The following VAPA variants were observed in gnomAD, a reference collection of about 807,000 sequenced individuals.
The protein encoded by VAPA is VAMP associated protein A.
In VAPA, 6 loss-of-function variants were observed where a neutral mutation model predicts 25.6. The ratio of observed to expected loss-of-function variants is 0.23; its 90% CI spans 0.13 to 0.46. The LOEUF is 0.46. Among genes scored for constraint, VAPA ranks in the 20% least tolerant of loss-of-function variants. The probability of loss-of-function intolerance (pLI) is 0.99; values close to 1 mark genes in which losing one functional copy is unlikely to be tolerated. For missense variants in VAPA, 244 were observed against 302.1 expected (o/e 0.81, Z 1.43); for synonymous variants, 112 against 106.2 (o/e 1.05, Z -0.34).
rs972128587 is a variant in VAPA, at chr18:9,954,117, C to T, written c.656C>T (p.Ser219Phe). 10 of 1,613,996 alleles carry T rather than the reference C, an allele frequency of 6.2e-6. No individual in the cohort carries two copies. Among genetic ancestry groups the T allele is most frequent in the Non-Finnish European group, 8.5e-6 (10 of 1,179,978 alleles). Residue 219 changes from serine (S) to phenylalanine (F), a missense_variant, in exon 6 of 6, where the codon TCC (serine) becomes TTC (phenylalanine). This residue lies in a region of VAPA where 145 missense variants were observed against 140.6 expected (regional missense o/e 1.03). Coordinates refer to ENST00000400000, the MANE Select transcript of VAPA (RefSeq NM_194434.3). The stretch of plus-strand genomic sequence containing the variant: ...AAACCTGGATCAACCTCAACTGCAT[C>T]CTTCAGAGATAATGTCACCAGTCCT... ...SDKPGSTSTA[S>F]FRDNVTSPLP... is the part of the protein sequence containing the mutation.
intron 4 of VAPA, among the ~76,000 whole-genome samples, chr18:9,938,647 T>G (rs2069335651): frequency 6.6e-6 from 1 of 152,216 alleles, no homozygotes; most frequent in Non-Finnish European, 1.5e-5. Flanking sequence ...AGCTGTTAAG[T>G]AACTTCAAAG....
In VAPA at chr18:9,949,128, A is replaced by T. The variant is rs544577418; in HGVS notation, c.418-1267A>T. On this transcript the variant is annotated intron_variant, in intron 4 of 5. Transcript: ENST00000400000. ...GTATTGGCAGGGTAAAATATATCTGAAACAGTTTTTTAATAATAGGGGCGG... is the reference window on the plus strand; with the variant it reads ...GTATTGGCAGGGTAAAATATATCTGTAACAGTTTTTTAATAATAGGGGCGG... 5 of 152,312 alleles carry T rather than the reference A, an allele frequency of 3.3e-5. No individual in the cohort carries two copies. In the South Asian group the frequency reaches 1.0e-3, roughly 32 times the overall value. 9.4% of individuals were successfully genotyped at this position (152,312 alleles called of 1,614,324 possible). A position where few individuals can be genotyped will look rare whatever the true frequency, so the allele number is the denominator to read the frequency against.
Position 9,952,432 on chromosome 18 carries a change from T to C in VAPA, c.592-1621T>C, listed in dbSNP as rs1375366427. Among the ~76,000 whole-genome samples the C allele has an allele frequency of 5.9e-5, 9 of 151,906 alleles. No individual in the cohort carries two copies. In the South Asian group the frequency reaches 1.7e-3, roughly 28 times the overall value. Reference sequence around the variant, plus strand: ...AAATACAAAAATTATCCGGGTGTGGTGGTGGGTGCCTGTAATCCCAGCTAC... The same window carrying C: ...AAATACAAAAATTATCCGGGTGTGGCGGTGGGTGCCTGTAATCCCAGCTAC... On this transcript the variant is annotated intron_variant, in intron 5 of 5. Coordinates refer to ENST00000400000, the MANE Select transcript of VAPA (RefSeq NM_194434.3).
At chr18:9,921,614 T>C (rs1004995162) in intron 1 of VAPA, among the ~76,000 whole-genome samples, 1 of 152,214 alleles carries the variant, frequency 6.6e-6, no homozygotes, top group Non-Finnish European at 1.5e-5. Context: ...CTCAACATAG[T>C]TTCTTTTTAT....
At chr18:9,933,997 C>T (rs2069283001) in intron 2 of VAPA, among the ~76,000 whole-genome samples, 1 of 152,182 alleles carries the variant, frequency 6.6e-6, no homozygotes, top group Admixed American at 6.5e-5. Flanking sequence ...AACAACGTAT[C>T]AAAACACTTT....
At chr18:9,942,707 C>T (rs2069378264) in intron 4 of VAPA, among the ~76,000 whole-genome samples, 2 of 152,178 alleles carry the variant, frequency 1.3e-5, no homozygotes, top group South Asian at 2.1e-4. Flanking sequence ...AGATGCCTCA[C>T]GTGGTGGGAA....
rs1476864214 is a variant in VAPA at position 9,944,976 on chromosome 18, A to G, written c.418-5419A>G. Reference sequence around the variant, plus strand: ...ACTGTCACTTCAATGAGCAGCATCAACAACACAGTTGCAACACCTGCCAGT... The same window carrying G: ...ACTGTCACTTCAATGAGCAGCATCAGCAACACAGTTGCAACACCTGCCAGT... On this transcript the variant is annotated intron_variant, in intron 4 of 5. Coordinates refer to ENST00000400000, the MANE Select transcript of VAPA (RefSeq NM_194434.3). 5.0e-6 allele frequency: 8 copies of G among 1,614,108 alleles called. No homozygotes were observed. In the South Asian group the frequency reaches 5.5e-5, roughly 11 times the overall value.
chr18:9,951,792 G>GC (rs2143440247), intron 5 of VAPA, among the ~76,000 whole-genome samples: 1 of 152,282 alleles, frequency 6.6e-6, no homozygotes, highest in African/African-American at 2.4e-5. Context: ...TAAATTAAAG[G>GC]CACTGTGTTT....
In VAPA at chr18:9,956,370, C is replaced by G. The variant is rs2143460306; in HGVS notation, c.*2159C>G. The G allele has an allele frequency of 6.6e-6, 1 of 152,292 alleles. No homozygotes were observed. The highest frequency in any genetic ancestry group is 2.1e-4 in the South Asian group (1 of 4,826). 9.4% of individuals were successfully genotyped at this position (152,292 alleles called of 1,614,324 possible). A position where few individuals can be genotyped will look rare whatever the true frequency, so the allele number is the denominator to read the frequency against. On this transcript the variant is annotated 3_prime_UTR_variant, in exon 6 of 6. Transcript: ENST00000400000. ...GAAATTTCTTATTGTAAGACTACTA[C>G]CGGCTTACTGTTGAATAGTTTGGTT...
intron 1 of VAPA, among the ~76,000 whole-genome samples, chr18:9,931,023 T>TA (rs1302135973): frequency 6.6e-6 from 1 of 152,278 alleles, no homozygotes; most frequent in South Asian, 2.1e-4. Flanking sequence ...CTAGCTTTTT[T>TA]AAAAAATACA....
At chr18:9,932,397 G>A (rs952748084) in intron 2 of VAPA, among the ~76,000 whole-genome samples, 18 of 152,158 alleles carry the variant, frequency 1.2e-4, no homozygotes, top group African/African-American at 4.3e-4. Flanking sequence ...AATCAGATGA[G>A]TCTTTATGCC....
chr18:9,952,887 CA>C (rs1383240256), intron 5 of VAPA, among the ~76,000 whole-genome samples: 1 of 152,016 alleles, frequency 6.6e-6, no homozygotes, highest in African/African-American at 2.4e-5. Context: ...AGCATGAGAC[CA>C]AAAAAACCCA....
In VAPA at chr18:9,957,730, T is replaced by G. The variant is rs1468060564; in HGVS notation, c.*3519T>G. 6.6e-6 allele frequency: 1 copy of G among 152,234 alleles called. No individual in the cohort carries two copies. Among genetic ancestry groups the G allele is most frequent in the African/African-American group, 2.4e-5 (1 of 41,472 alleles). The allele number at this position is 152,234 out of a possible 1,614,324, so 9.4% of individuals were successfully genotyped here. ...TCCTTTTCACAATACAAAAAAAATT[T>G]CAACAGATTGTGTGGTTTGTGCATT... is the stretch of plus-strand genomic sequence containing the variant. On this transcript the variant is annotated 3_prime_UTR_variant, in exon 6 of 6. Coordinates refer to ENST00000400000, the MANE Select transcript of VAPA (RefSeq NM_194434.3).
chr18:9,939,520 T>C (rs10451363), intron 4 of VAPA, among the ~76,000 whole-genome samples: 1,997 of 48,164 alleles, frequency 0.041, 55 homozygotes, highest in African/African-American at 0.15. Context: ...TTTCCTCTCT[T>C]TTTTTTTTTT....
intron 4 of VAPA, chr18:9,949,168 G>C (rs1368938932): frequency 6.6e-6 from 1 of 152,172 alleles, no homozygotes; most frequent in Non-Finnish European, 1.5e-5. Context: ...TATTAGATTG[G>C]TTGGGGTGGG....
In VAPA at chr18:9,918,498, C is replaced by G. The variant is rs2069130948; in HGVS notation, c.79+4163C>G. On this transcript the variant is annotated intron_variant, in intron 1 of 5. Coordinates refer to ENST00000400000, the MANE Select transcript of VAPA (RefSeq NM_194434.3). The stretch of plus-strand genomic sequence containing the variant: ...TATCTTACTTGACCTCCCCCTGGCT[C>G]TTGACAGTACCGACAGTTTCTCTAA... Among the ~76,000 whole-genome samples the G allele has an allele frequency of 1.3e-5, 2 of 152,170 alleles. 1 individual carries two copies. The highest frequency in any genetic ancestry group is 4.1e-4 in the South Asian group (2 of 4,830).
chr18:9,946,794 T>C (rs2069428868), intron 4 of VAPA, among the ~76,000 whole-genome samples: 2 of 152,194 alleles, frequency 1.3e-5, no homozygotes, highest in South Asian at 4.1e-4. Flanking sequence ...GCTACATTTA[T>C]TAAAATTTTT....
chr18:9,936,834 G>T, intron 3 of VAPA, 152 bp from the exon 4 acceptor site: 1 of 585,332 alleles, frequency 1.7e-6, no homozygotes, highest in South Asian at 2.3e-5. Flanking sequence ...GACATTAGCC[G>T]ATAACAATGG....
chr18:9,937,124 A>T (rs1217747426), intron 4 of VAPA, 58 bp downstream of exon 4: 46 of 1,444,246 alleles, frequency 3.2e-5, no homozygotes, highest in African/African-American at 9.9e-5. Flanking sequence ...TCCTTTGATT[A>T]ATTTTGCTTT....
Sources: allele counts gnomAD v4.1 joint callset (sites outside exome capture counted in the v4.1 genomes callset), GRCh38; gene constraint gnomAD v4.1.1; regional missense constraint gnomAD v4.1.1; transcripts MANE v1.5; gene names NCBI Gene and HGNC (gene_info 2026-07-23, HGNC 2026-07-21).